COMMD1: variants seen among roughly 807,000 people sequenced by gnomAD.
The protein encoded by COMMD1 is COMM domain-containing protein 1.
Under a neutral mutation model 17.2 loss-of-function variants are expected in COMMD1, and 10 were observed. The observed-to-expected ratio is 0.58, with a 90% CI of 0.36 to 0.99. COMMD1 has a LOEUF of 0.99. COMMD1 is among the 50% of genes least tolerant of loss of function. The probability of loss-of-function intolerance (pLI) is 0.01; values close to 1 mark genes in which losing one functional copy is unlikely to be tolerated. For synonymous variants in COMMD1, 97 were observed against 91.6 expected, an observed-to-expected ratio of 1.06 and a Z score of -0.34; for missense variants, 270 against 231.8, an observed-to-expected ratio of 1.17 and a Z score of -1.07.
chr2:61,964,353 T>C (rs537439061), intron 1 of COMMD1, among the ~76,000 whole-genome samples: 1 of 152,258 alleles, frequency 6.6e-6, no homozygotes, highest in South Asian at 2.1e-4. Context: ...CTCTAGTAAC[T>C]GGGACTACAG....
chr2:62,035,540 A>C (rs1193722894), intron 2 of COMMD1, among the ~76,000 whole-genome samples: 1 of 151,996 alleles, frequency 6.6e-6, no homozygotes, highest in African/African-American at 2.4e-5. Context: ...CAGGAGTTCA[A>C]GACCAGCCTG....
At chr2:62,061,554 C>CTTTTTTTTTTT (rs57638195) in intron 2 of COMMD1, among the ~76,000 whole-genome samples, 1 of 131,538 alleles carries the variant, frequency 7.6e-6, no homozygotes, top group Non-Finnish European at 1.7e-5. Context: ...TCTTTCTTTT[C>CTTTTTTTTTTT]TTTTTTTTTT....
chr2:61,938,210 C>T (rs1330875948), intron 1 of COMMD1, among the ~76,000 whole-genome samples: 1 of 151,260 alleles, frequency 6.6e-6, no homozygotes, highest in African/African-American at 2.4e-5. Context: ...CACCTGTTAA[C>T]ATCATCAAAC....
At chr2:62,085,511 C>T (rs1671638591) in intron 2 of COMMD1, among the ~76,000 whole-genome samples, 1 of 152,104 alleles carries the variant, frequency 6.6e-6, no homozygotes, top group African/African-American at 2.4e-5. Context: ...GCCACCATGC[C>T]TGGCTTATAG....
Position 62,060,056 on chromosome 2 carries a change from C to T in COMMD1, c.462+59074C>T, listed in dbSNP as rs1323987056. ...TAACGTCTCACCCTTTTGCCTGGGG[C>T]GGTGGCTCATGCCTGTAATCCCAGC... is the stretch of plus-strand genomic sequence containing the variant. On this transcript the variant is annotated intron_variant, in intron 2 of 2. Transcript: ENST00000311832. 2.6e-5 allele frequency among the ~76,000 whole-genome samples: 4 copies of T among 152,020 alleles called. No homozygotes were observed. In the South Asian group the frequency reaches 8.3e-4, roughly 32 times the overall value.
chr2:61,971,553 G>T (rs1216530827), intron 1 of COMMD1, among the ~76,000 whole-genome samples: 1 of 152,102 alleles, frequency 6.6e-6, no homozygotes, highest in African/African-American at 2.4e-5. Context: ...AAAGGTGTGT[G>T]TGTGGGGTAC....
intron 2 of COMMD1, among the ~76,000 whole-genome samples, chr2:62,019,044 T>TCCCTCCCTCCCTCCCTCCCC (rs1558564698): frequency 3.0e-5 from 1 of 33,688 alleles, no homozygotes; most frequent in African/African-American, 1.1e-4. Flanking sequence ...CCTCCCTCCC[T>TCCCTCCCTCCCTCCCTCCCC]CCTTCCTTCC....
chr2:61,947,491 C>A (rs1436398570), intron 1 of COMMD1, among the ~76,000 whole-genome samples: 1 of 151,878 alleles, frequency 6.6e-6, no homozygotes, highest in Non-Finnish European at 1.5e-5. Flanking sequence ...TGAGACCAGC[C>A]TGGCCAACAT....
chr2:61,963,052 C>T (rs1036569106), intron 1 of COMMD1, among the ~76,000 whole-genome samples: 3 of 151,248 alleles, frequency 2.0e-5, no homozygotes, highest in East Asian at 1.9e-4. Flanking sequence ...CTCAGCTACT[C>T]GGGAGGCTGA....
intron 2 of COMMD1, among the ~76,000 whole-genome samples, chr2:62,018,045 CT>C (rs1420139225): frequency 6.7e-6 from 1 of 149,672 alleles, no homozygotes. Flanking sequence ...CATGACCTAT[CT>C]CAAAAAAAAA....
intron 1 of COMMD1, among the ~76,000 whole-genome samples, chr2:61,951,926 A>C (rs1042423582): frequency 6.6e-6 from 1 of 152,196 alleles, no homozygotes; most frequent in Non-Finnish European, 1.5e-5. Context: ...CACTCAGCAT[A>C]ATTATTCTTG....
chr2:61,970,503 AAAC>A (rs1671620196), intron 1 of COMMD1, among the ~76,000 whole-genome samples: 1 of 152,194 alleles, frequency 6.6e-6, no homozygotes, highest in African/African-American at 2.4e-5. Flanking sequence ...ATAATACGTA[AAAC>A]AACAAATGCT....
chr2:62,125,924 C>G (rs1048522233), intron 2 of COMMD1, among the ~76,000 whole-genome samples: 2 of 152,130 alleles, frequency 1.3e-5, no homozygotes, highest in Admixed American at 6.5e-5. Flanking sequence ...TCCTTCCCCC[C>G]ACTTCACCCC....
chr2:62,099,722 C>G (rs1015358970), intron 2 of COMMD1, among the ~76,000 whole-genome samples: 13 of 152,202 alleles, frequency 8.5e-5, no homozygotes, highest in African/African-American at 3.1e-4. Context: ...CTTCAGAGGT[C>G]TGTCACCTCT....
chr2:61,897,719 A>C (rs1482748138), intron 1 of COMMD1, among the ~76,000 whole-genome samples: 1 of 152,206 alleles, frequency 6.6e-6, no homozygotes, highest in African/African-American at 2.4e-5. Context: ...ACTAGACTCC[A>C]GCCTGGGCAA....
intron 1 of COMMD1, among the ~76,000 whole-genome samples, chr2:61,897,747 C>T (rs1349852933): frequency 6.6e-6 from 1 of 151,998 alleles, no homozygotes; most frequent in Non-Finnish European, 1.5e-5. Context: ...AAAACTCTGT[C>T]TTTAAAAAAA....
At chr2:62,023,753 G>A (rs1382241760) in intron 2 of COMMD1, among the ~76,000 whole-genome samples, 1 of 152,156 alleles carries the variant, frequency 6.6e-6, no homozygotes, top group African/African-American at 2.4e-5. Flanking sequence ...CCAAAGTGCT[G>A]GGATTACAGG....
chr2:62,117,085 T>C (rs1463802831), intron 2 of COMMD1, among the ~76,000 whole-genome samples: 1 of 151,506 alleles, frequency 6.6e-6, no homozygotes, highest in Non-Finnish European at 1.5e-5. Context: ...GGATCCTCCC[T>C]GCCTCCCTCT....
chr2:61,921,859 G>A (rs561130085), intron 1 of COMMD1, among the ~76,000 whole-genome samples: 2 of 152,268 alleles, frequency 1.3e-5, no homozygotes, highest in East Asian at 1.9e-4. Flanking sequence ...CAGCCATTGT[G>A]TTTCTTAGAG....
Sources: allele counts gnomAD v4.1 joint callset (sites outside exome capture counted in the v4.1 genomes callset), GRCh38; gene constraint gnomAD v4.1.1; transcripts MANE v1.5; gene names NCBI Gene and HGNC (gene_info 2026-07-23, HGNC 2026-07-21).